SLC5A5: variants seen among roughly 807,000 people sequenced by gnomAD.
The protein encoded by SLC5A5 is solute carrier family 5 member 5, also known as sodium/iodide cotransporter.
In SLC5A5, 56 loss-of-function variants were observed where a neutral mutation model predicts 68.6. That is an observed-to-expected ratio of 0.82 (90% CI 0.66 to 1.02). The LOEUF (loss-of-function observed/expected upper bound fraction) is 1.02. SLC5A5 is among the 50% of genes least tolerant of loss of function. The pLI is 0.00. For synonymous variants in SLC5A5, 398 were observed against 373.0 expected, an observed-to-expected ratio of 1.07 and a Z score of -0.77; for missense variants, 807 against 859.8, an observed-to-expected ratio of 0.94 and a Z score of 0.77.
chr19:17,893,822 G>A lies in SLC5A5; in HGVS notation c.1877G>A (p.Trp626Ter). Residue 626 changes from tryptophan (W) to a stop codon, truncating the protein, a stop_gained, in exon 15 of 15, where the codon TGG becomes TAG. Coordinates refer to ENST00000222248, the MANE Select transcript of SLC5A5 (RefSeq NM_000453.3). LOFTEE classifies it low-confidence loss of function (END_TRUNC). ...GQKELEGAGS[W>*]TPCVGHDGGR... Reference sequence around the variant, plus strand: ...AAGGAGCTGGAGGGGGCTGGCTCTTGGACCCCCTGTGTTGGACATGATGGT... The same window carrying A: ...AAGGAGCTGGAGGGGGCTGGCTCTTAGACCCCCTGTGTTGGACATGATGGT... 6.2e-7 allele frequency: 1 copy of A among 1,601,172 alleles called. No individual in the cohort carries two copies. The highest frequency in any genetic ancestry group is 8.5e-7 in the Non-Finnish European group (1 of 1,172,878).
At chr19:17,881,811 G>C (rs1326846973) in intron 8 of SLC5A5, 149 bp from the exon 9 acceptor site, 2 of 700,402 alleles carry the variant, frequency 2.9e-6, no homozygotes, top group African/African-American at 1.7e-5. Context: ...TCAGGTCTTC[G>C]GGGAGGGGAG....
chr19:17,872,382 C>T lies in SLC5A5; in HGVS notation c.63C>T (p.Ala21=), dbSNP rs776254740. The T allele has an allele frequency of 1.2e-6, 2 of 1,600,578 alleles. No individual in the cohort carries two copies. The highest frequency in any genetic ancestry group is 1.7e-6 in the Non-Finnish European group (2 of 1,173,528). The change falls in exon 1 of 15, where the codon GCC becomes GCT. Residue 21 remains alanine, a synonymous_variant. Coordinates refer to ENST00000222248, the MANE Select transcript of SLC5A5 (RefSeq NM_000453.3). ...TFGAWDYGVF[A]LMLLVSTGIG... ...GAGCCTGGGACTACGGGGTCTTTGC[C>T]CTCATGCTCCTGGTGTCCACTGGCA...
At position 17,872,248 on chromosome 19, in the gene SLC5A5, G is replaced by A. The variant is rs894606557; in HGVS notation, c.-72G>A. ...CCCGCCCTCCCCGTCCTGCCTCCTC[G>A]GCCCCTGCCAGCTTCCCCCGCTTGA... On this transcript the variant is annotated 5_prime_UTR_variant, in exon 1 of 15. Transcript: ENST00000222248. 2.9e-5 allele frequency: 13 copies of A among 453,676 alleles called. No homozygotes were observed. Among genetic ancestry groups the A allele is most frequent in the African/African-American group, 1.9e-4 (9 of 47,646 alleles). 28.1% of individuals were successfully genotyped at this position (453,676 alleles called of 1,614,324 possible).
In SLC5A5 at chr19:17,883,839, T is replaced by C; in HGVS notation, c.1330-11T>C. On this transcript the variant is annotated splice_polypyrimidine_tract_variant and intron_variant, in intron 11 of 14. Coordinates refer to ENST00000222248, the MANE Select transcript of SLC5A5 (RefSeq NM_000453.3). ...GCCCCTCCCCTTCCCTGACGCCGGCTCTGCCCCCAGGGCGTCCTCGCGGGA... is the reference window on the plus strand; with the variant it reads ...GCCCCTCCCCTTCCCTGACGCCGGCCCTGCCCCCAGGGCGTCCTCGCGGGA... The C allele has an allele frequency of 6.2e-7, 1 of 1,603,058 alleles. No homozygotes were observed.
intron 5 of SLC5A5, among the ~76,000 whole-genome samples, chr19:17,877,044 A>G (rs532368570): frequency 2.4e-3 from 369 of 151,310 alleles, no homozygotes; most frequent in African/African-American, 8.1e-3. Context: ...AAAAAAAAAA[A>G]AGAGGATGGG....
chr19:17,878,169 C>T, intron 7 of SLC5A5, 76 bp downstream of exon 7: 1 of 1,525,916 alleles, frequency 6.6e-7, no homozygotes, highest in Non-Finnish European at 9.0e-7. Context: ...AAGAGCATTC[C>T]TAGCAGAGGG....
At chr19:17,887,111 G>T (rs546204412) in intron 12 of SLC5A5, among the ~76,000 whole-genome samples, 10 of 151,958 alleles carry the variant, frequency 6.6e-5, no homozygotes, top group Admixed American at 3.3e-4. Flanking sequence ...AACACCCTTT[G>T]CCCATTTTTA....
intron 2 of SLC5A5, 58 bp downstream of exon 2, chr19:17,874,261 G>C (rs2094301266): frequency 7.8e-7 from 1 of 1,276,898 alleles, no homozygotes; most frequent in East Asian, 2.3e-5. Flanking sequence ...GCCTTCACTA[G>C]CCCGGCCCCC....
intron 13 of SLC5A5, 92 bp from the exon 14 acceptor site, chr19:17,890,794 G>A: frequency 5.7e-6 from 5 of 879,688 alleles, no homozygotes; most frequent in South Asian, 2.6e-5. Flanking sequence ...CATAGACCAG[G>A]GATCTCCTTT....
At chr19:17,874,626 C>T (rs2147729564) in intron 3 of SLC5A5, 38 bp from the exon 4 acceptor site, 1 of 1,613,870 alleles carries the variant, frequency 6.2e-7, no homozygotes, top group Non-Finnish European at 8.5e-7. Flanking sequence ...GTTTGCGCCC[C>T]GCCCAGGGGC....
In SLC5A5 at chr19:17,894,078, T is replaced by G; in HGVS notation, c.*201T>G. ...TAAATCCAGCCCCTTGCTTCAACCG[T>G]CCCCAGTATTAGACGCTGCAGCCCT... On this transcript the variant is annotated 3_prime_UTR_variant, in exon 15 of 15. Coordinates refer to ENST00000222248, the MANE Select transcript of SLC5A5 (RefSeq NM_000453.3). The G allele has an allele frequency of 3.5e-6, 2 of 579,636 alleles. No homozygotes were observed. The highest frequency in any genetic ancestry group is 3.1e-6 in the Non-Finnish European group (1 of 325,686). The allele number at this position is 579,636 out of a possible 1,614,324, so 35.9% of individuals were successfully genotyped here. A position where few individuals can be genotyped will look rare whatever the true frequency, so the allele number is the denominator to read the frequency against.
In SLC5A5 at chr19:17,884,043, C is replaced by T. The variant is rs994707052; in HGVS notation, c.1523C>T (p.Pro508Leu). ...LLPANDSSRA[P>L]SSGMDASRPA... The stretch of plus-strand genomic sequence containing the variant: ...CCTGCTAACGACTCCAGCAGGGCCC[C>T]CAGGTGAGCAGACTTGAGGGTAGGG... Residue 508 changes from proline (P) to leucine (L), a missense_variant, in exon 12 of 15, where the codon CCC becomes CTC. By Grantham distance (98) the Pro-to-Leu change is moderately conservative (BLOSUM62 -3). Transcript: ENST00000222248. 3.8e-6 allele frequency: 6 copies of T among 1,562,180 alleles called. No individual in the cohort carries two copies. In the African/African-American group the frequency reaches 6.8e-5, roughly 18 times the overall value.
chr19:17,887,623 AGTCTC>A (rs2029971218), intron 12 of SLC5A5, among the ~76,000 whole-genome samples: 1 of 119,552 alleles, frequency 8.4e-6, no homozygotes, highest in Non-Finnish European at 1.7e-5. Context: ...TTTGAGATGG[AGTCTC>A]GCTCTGTTGC....
Position 17,872,599 on chromosome 19 carries a change from C to T in SLC5A5, c.280C>T (p.Gln94Ter). 1 of 1,612,592 alleles carries T rather than the reference C, an allele frequency of 6.2e-7. No homozygotes were observed. Residue 94 changes from glutamine to a stop codon, truncating the protein, a stop_gained, in exon 1 of 15, where the codon CAG (glutamine) becomes TAG (stop). Transcript: ENST00000222248. LOFTEE classifies it high-confidence loss of function. ...CAAGTTCCTCTGGATGTGCCTGGGC[C>T]AGCTTCTGAACTCGGTCCTCACCGC... Reference protein sequence around the residue: ...GLKFLWMCLGQLLNSVLTALL... With the variant: ...GLKFLWMCLG
Position 17,877,821 on chromosome 19 carries a change from T to A in SLC5A5, c.797T>A (p.Val266Glu). The A allele has an allele frequency of 6.2e-7, 1 of 1,614,216 alleles. No homozygotes were observed. Among genetic ancestry groups the A allele is most frequent in the Non-Finnish European group, 8.5e-7 (1 of 1,180,034 alleles). The change falls in exon 6 of 15, where the codon GTG becomes GAG. Residue 266 changes from valine (V) to glutamate (E), a missense_variant. By Grantham distance (121) the Val-to-Glu change is moderately radical. Coordinates refer to ENST00000222248, the MANE Select transcript of SLC5A5 (RefSeq NM_000453.3). ...ATGTATGGCGTGAACCAGGCGCAGG[T>A]GCAGCGCTACGTGGCTTGCCGCACA... ...LSMYGVNQAQ[V>E]QRYVACRTEK...
At chr19:17,877,695 G>A (rs761020053) in intron 5 of SLC5A5, 28 bp from the exon 6 acceptor site, 4 of 1,613,438 alleles carry the variant, frequency 2.5e-6, no homozygotes, top group African/African-American at 2.7e-5. Context: ...ACATCTCCAC[G>A]TGGCTAACTT....
chr19:17,881,906 T>C, intron 8 of SLC5A5, 54 bp from the exon 9 acceptor site: 1 of 1,361,140 alleles, frequency 7.3e-7, no homozygotes, highest in South Asian at 1.2e-5. Flanking sequence ...GGCCAGATGG[T>C]GTGGACGGTC....
chr19:17,875,587 A>ATC (rs1308126089), intron 4 of SLC5A5, among the ~76,000 whole-genome samples: 4 of 145,012 alleles, frequency 2.8e-5, no homozygotes, highest in African/African-American at 1.1e-4. Context: ...ACATAGTGAG[A>ATC]CCCCCCCCCG....
intron 4 of SLC5A5, 124 bp from the exon 5 acceptor site, chr19:17,875,828 T>C (rs2094305573): frequency 2.5e-6 from 2 of 804,812 alleles, no homozygotes; most frequent in Non-Finnish European, 4.3e-6. Flanking sequence ...TAAGAAGGTA[T>C]TATTATTAAT....
Sources: gnomAD v4.1 joint callset for allele counts (sites outside exome capture counted in the v4.1 genomes callset) on GRCh38, gnomAD v4.1.1 for gene constraint, MANE v1.5 for transcripts, NCBI Gene and HGNC (gene_info 2026-07-23, HGNC 2026-07-21) for gene names.